The following WWOX variants were observed in gnomAD, a reference collection of about 807,000 sequenced individuals.
WWOX encodes the protein WW domain containing oxidoreductase.
WWOX carries 69 observed loss-of-function variants against 46.2 expected under a neutral mutation model. The observed-to-expected ratio is 1.49, with a 90% CI of 1.23 to 1.82. The LOEUF (loss-of-function observed/expected upper bound fraction) is 1.82. Among genes scored for constraint, WWOX ranks in the 40% most tolerant of loss-of-function variants. The pLI, the probability that WWOX is intolerant of heterozygous loss-of-function variation, is 0.00. For synonymous variants in WWOX, 359 were observed against 202.6 expected (o/e 1.77, Z -6.56); for missense variants, 919 against 542.6 (o/e 1.69, Z -6.89).
intron 4 of WWOX, among the ~76,000 whole-genome samples, chr16:78,157,369 A>G (rs1211655154): frequency 4.6e-5 from 7 of 152,168 alleles, no homozygotes; most frequent in Non-Finnish European, 1.5e-5. Context: ...CATTTTCCCC[A>G]AATGATCTAG....
chr16:78,947,639 G>A (rs74032448), intron 8 of WWOX, among the ~76,000 whole-genome samples: 19,869 of 152,182 alleles, frequency 0.13, 1,343 homozygotes, highest in African/African-American at 0.16. Context: ...ACCCCCGATC[G>A]TAATAAGCCG....
chr16:79,111,393 T>C (rs1038107962), intron 8 of WWOX, among the ~76,000 whole-genome samples: 2 of 152,228 alleles, frequency 1.3e-5, no homozygotes. Flanking sequence ...TTCCTTTTTC[T>C]GGGGTCTTTT....
intron 8 of WWOX, among the ~76,000 whole-genome samples, chr16:78,753,022 C>T (rs1054632014): frequency 1.3e-5 from 2 of 152,134 alleles, no homozygotes; most frequent in African/African-American, 2.4e-5. Context: ...GGGCTGGGCA[C>T]GGTAGCTCAC....
intron 5 of WWOX, among the ~76,000 whole-genome samples, chr16:78,293,705 CGGTGCCT>C (rs2079895757): frequency 1.3e-5 from 2 of 152,046 alleles, no homozygotes; most frequent in African/African-American, 4.8e-5. Context: ...TGGCTGGGTG[CGGTGCCT>C]CAGGCCTGTA....
chr16:78,334,248 T>A (rs751935116), intron 5 of WWOX, among the ~76,000 whole-genome samples: 3 of 152,202 alleles, frequency 2.0e-5, no homozygotes, highest in Non-Finnish European at 4.4e-5. Context: ...CAAAATTCAC[T>A]TTAGTTATTA....
At chr16:79,034,410 C>T (rs1351067602) in intron 8 of WWOX, among the ~76,000 whole-genome samples, 1 of 152,170 alleles carries the variant, frequency 6.6e-6, no homozygotes, top group East Asian at 1.9e-4. Context: ...GGTGTTTTCT[C>T]CAAGGTGTAT....
At chr16:78,958,938 TAA>T (rs1014735899) in intron 8 of WWOX, among the ~76,000 whole-genome samples, 1 of 152,292 alleles carries the variant, frequency 6.6e-6, no homozygotes, top group African/African-American at 2.4e-5. Context: ...GACTAAAAAA[TAA>T]GAGTTCTGGG....
At chr16:78,728,299 A>G (rs2142375219) in intron 8 of WWOX, among the ~76,000 whole-genome samples, 1 of 151,952 alleles carries the variant, frequency 6.6e-6, no homozygotes, top group Non-Finnish European at 1.5e-5. Flanking sequence ...TGAACTCCTG[A>G]GCTCAAGCGA....
At position 78,137,122 on chromosome 16, in the gene WWOX, T is replaced by C. The variant is rs1269393170; in HGVS notation, c.409+21968T>C. Among the ~76,000 whole-genome samples, 3 of 152,118 alleles carry C rather than the reference T, an allele frequency of 2.0e-5. No individual in the cohort carries two copies. In the South Asian group the frequency reaches 6.2e-4, roughly 32 times the overall value. ...AGGGGGTCAGGGATGTTAACGCAAA[T>C]GGAGATCCCTTCACCCAGAAAGACA... On this transcript the variant is annotated intron_variant, in intron 4 of 8. Coordinates refer to ENST00000566780, the MANE Select transcript of WWOX (RefSeq NM_016373.4).
At chr16:78,493,615 T>A (rs1260394495) in intron 8 of WWOX, among the ~76,000 whole-genome samples, 1 of 152,216 alleles carries the variant, frequency 6.6e-6, no homozygotes, top group African/African-American at 2.4e-5. Flanking sequence ...AAAATGAAAA[T>A]AATGAGCTAA....
At chr16:78,588,204 G>A (rs938676330) in intron 8 of WWOX, among the ~76,000 whole-genome samples, 10 of 152,326 alleles carry the variant, frequency 6.6e-5, no homozygotes, top group African/African-American at 2.4e-4. Context: ...TCCAGGTGAA[G>A]CTCTTGAAAT....
intron 8 of WWOX, among the ~76,000 whole-genome samples, chr16:79,052,221 G>C (rs959921330): frequency 2.8e-5 from 4 of 145,146 alleles, no homozygotes; most frequent in African/African-American, 5.1e-5. Context: ...CCCAGAGTGT[G>C]ATATTCCCCT....
chr16:79,082,806 T>C (rs2048785270), intron 8 of WWOX, among the ~76,000 whole-genome samples: 1 of 151,856 alleles, frequency 6.6e-6, no homozygotes, highest in African/African-American at 2.4e-5. Context: ...GTATTTTCTT[T>C]TTGCTTTCAG....
intron 8 of WWOX, among the ~76,000 whole-genome samples, chr16:79,102,951 C>G (rs560763010): frequency 1.3e-5 from 2 of 152,118 alleles, no homozygotes; most frequent in African/African-American, 4.8e-5. Flanking sequence ...TCTTCCTTCT[C>G]TTCCTTTTCT....
intron 8 of WWOX, among the ~76,000 whole-genome samples, chr16:78,751,742 GAAAGGAAGGAAGGAA>G (rs1388069955): frequency 4.9e-4 from 75 of 151,522 alleles, no homozygotes; most frequent in Non-Finnish European, 8.8e-4. Flanking sequence ...ATGAAAGAAG[GAAAGGAAGGAAGGAA>G]GGAGGAAGGG....
intron 8 of WWOX, among the ~76,000 whole-genome samples, chr16:78,793,378 G>A (rs960591897): frequency 1.3e-5 from 2 of 152,134 alleles, no homozygotes; most frequent in Admixed American, 6.5e-5. Context: ...CTGTTTAAAT[G>A]CTCAAACTTG....
chr16:78,586,839 G>A (rs2151596306), intron 8 of WWOX, among the ~76,000 whole-genome samples: 2 of 152,136 alleles, frequency 1.3e-5, no homozygotes, highest in South Asian at 4.2e-4. Flanking sequence ...TCAGACTCAG[G>A]TTTGTTTAAG....
chr16:78,146,311 G>C (rs1248385176), intron 4 of WWOX, among the ~76,000 whole-genome samples: 5 of 152,090 alleles, frequency 3.3e-5, no homozygotes, highest in African/African-American at 4.8e-5. Flanking sequence ...TTCTCTCTCT[G>C]TTTCTCTTTT....
chr16:78,856,557 C>T (rs1421929060), intron 8 of WWOX, among the ~76,000 whole-genome samples: 1 of 152,196 alleles, frequency 6.6e-6, no homozygotes, highest in East Asian at 1.9e-4. Flanking sequence ...GCAGGAGAAT[C>T]CCTTGAACCC....
Sources: allele counts gnomAD v4.1 joint callset (sites outside exome capture counted in the v4.1 genomes callset), GRCh38; gene constraint gnomAD v4.1.1; transcripts MANE v1.5; gene names NCBI Gene and HGNC (gene_info 2026-07-23, HGNC 2026-07-21).